Variants in C9orf85 observed in about 807,000 individuals in gnomAD.
C9orf85 encodes the protein uncharacterized protein C9orf85.
In C9orf85, 16 loss-of-function variants were observed where a neutral mutation model predicts 14.9. The observed-to-expected ratio is 1.08, with a 90% CI of 0.73 to 1.63. C9orf85 has a LOEUF of 1.63. Among genes scored for constraint, C9orf85 ranks in the 40% most tolerant of loss-of-function variants. The pLI is 0.00. For missense variants in C9orf85, 172 were observed against 186.1 expected (o/e 0.92, Z 0.44); for synonymous variants, 45 against 56.8 (o/e 0.79, Z 0.93).
chr9:71,950,384 T>C (rs1229856309), intron 2 of C9orf85, among the ~76,000 whole-genome samples: 1 of 152,176 alleles, frequency 6.6e-6, no homozygotes, highest in Non-Finnish European at 1.5e-5. Context: ...TTGTTTTTTT[T>C]TGAGGCAGAG....
At chr9:71,911,993 A>C in intron 1 of C9orf85, 157 bp downstream of exon 1, 24 of 709,692 alleles carry the variant, frequency 3.4e-5, no homozygotes, top group Admixed American at 4.0e-5. Context: ...TGTTATTCTC[A>C]CGCCCTTTCT....
chr9:71,977,760 C>A (rs573256856), downstream of C9orf85, among the ~76,000 whole-genome samples: 23 of 152,176 alleles, frequency 1.5e-4, no homozygotes, highest in South Asian at 4.8e-3. Flanking sequence ...TTTTTTCTCT[C>A]GTATTGTTCA....
intron 1 of C9orf85, among the ~76,000 whole-genome samples, chr9:71,946,154 T>C (rs1361819734): frequency 6.6e-6 from 1 of 152,176 alleles, no homozygotes; most frequent in African/African-American, 2.4e-5. Flanking sequence ...AGGGGGAACT[T>C]TTCTAAAACT....
At chr9:71,980,947 A>G (rs1156261594) in intron 3 of C9orf85, among the ~76,000 whole-genome samples, 3 of 152,230 alleles carry the variant, frequency 2.0e-5, no homozygotes, top group African/African-American at 7.2e-5. Flanking sequence ...GGTCATGGTA[A>G]TAGTACACTT....
In C9orf85 at chr9:71,972,868, G is replaced by T; in HGVS notation, c.*26G>T. On this transcript the variant is annotated 3_prime_UTR_variant, in exon 4 of 4. Coordinates refer to ENST00000334731, the MANE Select transcript of C9orf85 (RefSeq NM_182505.5). ...TATCACTGTATTAAAAGTCTGCCGG[G>T]CACAGTGGCTCACGCCTGTAATCCC... The T allele has an allele frequency of 6.3e-7, 1 of 1,577,042 alleles. No homozygotes were observed. Among genetic ancestry groups the T allele is most frequent in the Non-Finnish European group, 8.6e-7 (1 of 1,159,372 alleles).
intron 3 of C9orf85, among the ~76,000 whole-genome samples, chr9:71,982,374 A>G (rs979738055): frequency 6.6e-6 from 1 of 152,016 alleles, no homozygotes; most frequent in Non-Finnish European, 1.5e-5. Flanking sequence ...GTGTGGACAT[A>G]TGTTTTCATT....
intron 2 of C9orf85, among the ~76,000 whole-genome samples, chr9:71,956,019 T>G (rs1448092023): frequency 6.6e-6 from 1 of 152,166 alleles, no homozygotes; most frequent in Non-Finnish European, 1.5e-5. Flanking sequence ...ACAAATCCAT[T>G]TAGTTTACAA....
At chr9:71,956,027 C>T (rs1822371059) in intron 2 of C9orf85, among the ~76,000 whole-genome samples, 1 of 151,958 alleles carries the variant, frequency 6.6e-6, no homozygotes, top group Admixed American at 6.6e-5. Flanking sequence ...ATTTAGTTTA[C>T]AAATAAATAC....
intron 1 of C9orf85, among the ~76,000 whole-genome samples, chr9:71,945,171 A>G (rs1799002365): frequency 6.6e-6 from 1 of 152,256 alleles, no homozygotes; most frequent in South Asian, 2.1e-4. Flanking sequence ...CATAGTTCAA[A>G]GTCATTCAGT....
intron 1 of C9orf85, among the ~76,000 whole-genome samples, chr9:71,943,246 T>C (rs564178383): frequency 2.3e-5 from 1 of 42,818 alleles, no homozygotes; most frequent in African/African-American, 5.1e-5. Flanking sequence ...TTCATTTTTT[T>C]AATTCTGTTT....
intron 1 of C9orf85, among the ~76,000 whole-genome samples, chr9:71,919,892 C>G (rs1372839401): frequency 2.6e-5 from 4 of 151,102 alleles, no homozygotes; most frequent in African/African-American, 9.8e-5. Context: ...TCTCTGTCAC[C>G]AGGCTGGAGT....
intron 2 of C9orf85, among the ~76,000 whole-genome samples, chr9:71,969,993 G>A (rs1289640831): frequency 6.7e-6 from 1 of 149,960 alleles, no homozygotes; most frequent in Non-Finnish European, 1.5e-5. Flanking sequence ...CGCCCAGGCT[G>A]GAGTGCAATG....
chr9:71,918,234 T>C (rs181168014), intron 1 of C9orf85, among the ~76,000 whole-genome samples: 10 of 152,272 alleles, frequency 6.6e-5, no homozygotes. Flanking sequence ...AAAGTTCTGT[T>C]TTTGTTTGCT....
At chr9:71,933,657 A>G (rs1441666580) in intron 1 of C9orf85, among the ~76,000 whole-genome samples, 1 of 152,146 alleles carries the variant, frequency 6.6e-6, no homozygotes, top group Non-Finnish European at 1.5e-5. Flanking sequence ...TTCAGGAGAT[A>G]CTTTGTCCCC....
intron 3 of C9orf85, among the ~76,000 whole-genome samples, chr9:71,979,740 C>T (rs1176191415): frequency 1.3e-5 from 2 of 152,054 alleles, no homozygotes; most frequent in Non-Finnish European, 2.9e-5. Flanking sequence ...ATAACTATTG[C>T]TAATTATAAT....
chr9:71,973,725 C>T (rs2132367960), downstream of C9orf85, among the ~76,000 whole-genome samples: 1 of 152,080 alleles, frequency 6.6e-6, no homozygotes, highest in South Asian at 2.1e-4. Context: ...CCCAGTGAGG[C>T]TCTCCCTCAG....
At chr9:71,937,673 G>A (rs1184422947) in intron 1 of C9orf85, among the ~76,000 whole-genome samples, 1 of 152,144 alleles carries the variant, frequency 6.6e-6, no homozygotes, top group Non-Finnish European at 1.5e-5. Context: ...GATGAATTTA[G>A]AGTGAATGGG....
chr9:71,964,846 C>T (rs1248650760), intron 2 of C9orf85, among the ~76,000 whole-genome samples: 1 of 152,124 alleles, frequency 6.6e-6, no homozygotes, highest in Non-Finnish European at 1.5e-5. Flanking sequence ...CTGTGGGTCA[C>T]GGAAGAGAAC....
intron 1 of C9orf85, among the ~76,000 whole-genome samples, chr9:71,930,523 G>A (rs1487875772): frequency 2.0e-5 from 3 of 151,858 alleles, no homozygotes; most frequent in Admixed American, 2.0e-4. Flanking sequence ...GGCCAGGCAT[G>A]TTGGCTCACA....
Sources: allele counts gnomAD v4.1 joint callset (sites outside exome capture counted in the v4.1 genomes callset), GRCh38; gene constraint gnomAD v4.1.1; transcripts MANE v1.5; gene names NCBI Gene and HGNC (gene_info 2026-07-23, HGNC 2026-07-21).